Variants in PKD2 observed in about 807,000 individuals in gnomAD.
PKD2 encodes polycystin-2.
A neutral mutation model predicts 105.9 loss-of-function variants in PKD2; 48 were observed. That is an observed-to-expected ratio of 0.45 (90% CI 0.36 to 0.58). The LOEUF (loss-of-function observed/expected upper bound fraction) is 0.58, where lower values mean the gene tolerates loss of function less well. Among genes scored for constraint, PKD2 ranks in the 20% least tolerant of loss-of-function variants. PKD2 has a pLI of 0.00. For synonymous variants in PKD2, 464 were observed against 481.1 expected (o/e 0.96, Z 0.46); for missense variants, 1,078 against 1,255.3 (o/e 0.86, Z 2.13).
Position 88,052,012 on chromosome 4 carries a change from A to G in PKD2, c.1570A>G (p.Ile524Val). 1 of 1,591,916 alleles carries G rather than the reference A, an allele frequency of 6.3e-7. No homozygotes were observed. The highest frequency in any genetic ancestry group is 1.3e-5 in the African/African-American group (1 of 74,598). The change falls in exon 7 of 15, where the codon ATT (isoleucine) becomes GTT (valine). Residue 524 changes from isoleucine to valine, a missense_variant. Ile to Val is a conservative substitution (Grantham distance 29). Around this residue, in one of 2 missense-constraint regions of PKD2, gnomAD observed 868 missense variants for 1,067.3 expected, o/e 0.81. Coordinates refer to ENST00000237596, the MANE Select transcript of PKD2 (RefSeq NM_000297.4). Reference protein sequence around the residue: ...IVVLSVVAIGINIYRTSNVEV... With the variant: ...IVVLSVVAIGVNIYRTSNVEV... ...TCAGCTGTCAGTGGTAGCTATAGGAATTAACATATACAGAACATCAAATGT... is the reference window on the plus strand; with the variant it reads ...TCAGCTGTCAGTGGTAGCTATAGGAGTTAACATATACAGAACATCAAATGT...
intron 12 of PKD2, among the ~76,000 whole-genome samples, chr4:88,066,110 G>A (rs1283465137): frequency 6.6e-6 from 1 of 152,042 alleles, no homozygotes. Flanking sequence ...AAAATGAAAA[G>A]CAAGCAAAAC....
Position 88,068,016 on chromosome 4 carries a change from G to A in PKD2, c.2477G>A (p.Arg826Lys), listed in dbSNP as rs1458548183. Reference sequence around the variant, plus strand: ...GAAGATAGCGGACATAGCTCCAGAAGGAGGGGAAGCATTTCTAGTGGCGTT... The same window carrying A: ...GAAGATAGCGGACATAGCTCCAGAAAGAGGGGAAGCATTTCTAGTGGCGTT... Reference protein sequence around the residue: ...DDEDSGHSSRRRGSISSGVSY... With the variant: ...DDEDSGHSSRKRGSISSGVSY... Residue 826 changes from arginine to lysine, a missense_variant, in exon 13 of 15, where the codon AGG becomes AAG. Physicochemically the swap from Arg to Lys is conservative, Grantham distance 26. This residue lies in a region of PKD2 where 868 missense variants were observed against 1,067.3 expected (regional missense o/e 0.81). Transcript: ENST00000237596. 6.2e-7 allele frequency: 1 copy of A among 1,613,980 alleles called. No individual in the cohort carries two copies. The highest frequency in any genetic ancestry group is 8.5e-7 in the Non-Finnish European group (1 of 1,179,956).
intron 13 of PKD2, among the ~76,000 whole-genome samples, chr4:88,073,918 A>T (rs1721131892): frequency 6.6e-6 from 1 of 152,132 alleles, no homozygotes; most frequent in South Asian, 2.1e-4. Context: ...TTGGCTTACG[A>T]GTTTTTAAAG....
rs1466006701 is a variant in PKD2 at position 88,076,561 on chromosome 4, A to G, written c.*867A>G. 1 of 152,222 alleles carries G rather than the reference A, an allele frequency of 6.6e-6. No homozygotes were observed. The highest frequency in any genetic ancestry group is 2.4e-5 in the African/African-American group (1 of 41,464). The allele number at this position is 152,222 out of a possible 1,614,324, so 9.4% of individuals were successfully genotyped here. A position where few individuals can be genotyped will look rare whatever the true frequency, so the allele number is the denominator to read the frequency against. On this transcript the variant is annotated 3_prime_UTR_variant, in exon 15 of 15. Transcript: ENST00000237596. ...GCAACTGAATTTAATGTTATAACTC[A>G]TCTAGTGAGACCAACTTACTAAATT... is the stretch of plus-strand genomic sequence containing the variant.
chr4:88,075,516 G>A lies in PKD2; in HGVS notation c.2729G>A (p.Arg910His), dbSNP rs144590958. 4.6e-5 allele frequency: 75 copies of A among 1,614,040 alleles called. No homozygotes were observed. The highest frequency in any genetic ancestry group is 5.5e-5 in the Non-Finnish European group (65 of 1,180,012). The stretch of plus-strand genomic sequence containing the variant: ...AGGGAACAGATGGAACGGCTAGTAC[G>A]TGAAGAGTTGGAACGCTGGGAATCC... ...IHREQMERLVREELERWESDD... is the reference protein window; with the variant it reads ...IHREQMERLVHEELERWESDD... The change falls in exon 15 of 15, where the codon CGT becomes CAT. Residue 910 changes from arginine (R) to histidine (H), a missense_variant. Coordinates refer to ENST00000237596, the MANE Select transcript of PKD2 (RefSeq NM_000297.4).
At chr4:88,063,402 A>G (rs1211316443) in intron 10 of PKD2, among the ~76,000 whole-genome samples, 1 of 152,084 alleles carries the variant, frequency 6.6e-6, no homozygotes, top group Non-Finnish European at 1.5e-5. Context: ...GTGGCGACAG[A>G]TGCCTGTAAT....
At chr4:88,053,074 G>T (rs554916705) in intron 7 of PKD2, among the ~76,000 whole-genome samples, 1 of 152,212 alleles carries the variant, frequency 6.6e-6, no homozygotes, top group African/African-American at 2.4e-5. Context: ...GCTGCCATTC[G>T]GTCACCAGCA....
chr4:88,057,581 G>A (rs1005868073), intron 8 of PKD2, among the ~76,000 whole-genome samples: 1 of 151,680 alleles, frequency 6.6e-6, no homozygotes, highest in Non-Finnish European at 1.5e-5. Context: ...GATTATGGGC[G>A]CACGCCACCA....
At chr4:88,066,976 T>G (rs1457463624) in intron 12 of PKD2, among the ~76,000 whole-genome samples, 1 of 152,002 alleles carries the variant, frequency 6.6e-6, no homozygotes, top group Non-Finnish European at 1.5e-5. Context: ...ATAAAGAAAA[T>G]GAGGAAAATT....
chr4:88,029,271 C>T (rs1727063544), intron 2 of PKD2, among the ~76,000 whole-genome samples: 1 of 152,208 alleles, frequency 6.6e-6, no homozygotes, highest in East Asian at 1.9e-4. Flanking sequence ...CATGTTTACA[C>T]AGTGTTTTCT....
chr4:88,062,586 G>C (rs747820258), intron 10 of PKD2, among the ~76,000 whole-genome samples: 11 of 152,198 alleles, frequency 7.2e-5, no homozygotes, highest in Non-Finnish European at 1.5e-4. Context: ...GGACAGGAAA[G>C]TTGGGCCTCT....
In PKD2 at chr4:88,074,941, G is replaced by A. The variant is rs1341770105; in HGVS notation, c.2652G>A (p.Leu884=). 5.0e-6 allele frequency: 8 copies of A among 1,614,206 alleles called. No individual in the cohort carries two copies. In the Admixed American group the frequency reaches 1.0e-4, roughly 20 times the overall value. The change falls in exon 14 of 15, where the codon CTG becomes CTA. Residue 884 remains leucine (L), a synonymous_variant. Transcript: ENST00000237596. ...AGAGGAGGGAGGTGCTGGGAAGGCT[G>A]TTGGATGGGGTGGCCGAGGTCAGTA... ...KLKRREVLGR[L]LDGVAEDERL... is the part of the protein sequence containing the mutation.
At chr4:88,042,547 C>T (rs141105227) in intron 4 of PKD2, among the ~76,000 whole-genome samples, 1 of 152,328 alleles carries the variant, frequency 6.6e-6, no homozygotes, top group East Asian at 1.9e-4. Context: ...AGGTCCAACA[C>T]AGCTTCTTCC....
intron 2 of PKD2, among the ~76,000 whole-genome samples, chr4:88,026,518 G>A (rs1726962876): frequency 1.3e-5 from 2 of 152,218 alleles, no homozygotes; most frequent in Non-Finnish European, 2.9e-5. Context: ...TAAAGGGGAA[G>A]CAGAGTGCAA....
intron 2 of PKD2, among the ~76,000 whole-genome samples, chr4:88,032,087 C>T (rs889788545): frequency 6.6e-6 from 1 of 152,084 alleles, no homozygotes; most frequent in Non-Finnish European, 1.5e-5. Context: ...AAACCATTCA[C>T]AGTTCATGCT....
intron 13 of PKD2, among the ~76,000 whole-genome samples, chr4:88,074,408 G>T (rs1290195156): frequency 2.0e-5 from 3 of 152,110 alleles, no homozygotes; most frequent in Admixed American, 6.6e-5. Context: ...AAAATGCCAG[G>T]ATTACAGGCG....
intron 9 of PKD2, among the ~76,000 whole-genome samples, chr4:88,059,590 A>T (rs1560622635): frequency 6.6e-6 from 1 of 152,164 alleles, no homozygotes; most frequent in African/African-American, 2.4e-5. Context: ...CCAGATCTAG[A>T]GTATTCAGTC....
chr4:88,058,280 T>C (rs565441926), intron 9 of PKD2, among the ~76,000 whole-genome samples, 177 bp downstream of exon 9: 2 of 152,318 alleles, frequency 1.3e-5, no homozygotes, highest in South Asian at 4.1e-4. Context: ...GAGACTCATA[T>C]CAAATGTCTT....
intron 2 of PKD2, among the ~76,000 whole-genome samples, chr4:88,025,080 C>T (rs1223490434): frequency 1.3e-5 from 2 of 152,036 alleles, no homozygotes; most frequent in East Asian, 3.9e-4. Context: ...GTGGAGGTTG[C>T]AGTGAGCCAA....
Sources: allele counts gnomAD v4.1 joint callset (sites outside exome capture counted in the v4.1 genomes callset), GRCh38; gene constraint gnomAD v4.1.1; regional missense constraint gnomAD v4.1.1; transcripts MANE v1.5; gene names NCBI Gene and HGNC (gene_info 2026-07-23, HGNC 2026-07-21).